GRID2: variants seen among roughly 807,000 people sequenced by gnomAD.
GRID2 encodes glutamate ionotropic receptor delta type subunit 2.
In GRID2, 33 loss-of-function variants were observed where a neutral mutation model predicts 114.8. That is an observed-to-expected ratio of 0.29 (90% CI 0.22 to 0.38). GRID2 has a LOEUF of 0.38. Among genes scored for constraint, GRID2 ranks in the 10% least tolerant of loss-of-function variants. The pLI is 1.00. For missense variants in GRID2, 1,184 were observed against 1,257.7 expected (o/e 0.94, Z 0.89); for synonymous variants, 505 against 449.9 (o/e 1.12, Z -1.55).
Position 92,943,826 on chromosome 4 carries a change from G to T in GRID2, c.245-141169G>T, listed in dbSNP as rs533250075. ...AGGACCCTCAGCTGCAGGTCTGTTG[G>T]AGTTTGCTGGAGGTCCACTCCAGGC... On this transcript the variant is annotated intron_variant, in intron 2 of 15. Transcript: ENST00000282020. 2.6e-5 allele frequency among the ~76,000 whole-genome samples: 4 copies of T among 152,312 alleles called. No individual in the cohort carries two copies. The East Asian group carries it at 7.7e-4, about 29-fold the overall frequency.
chr4:93,262,303 C>G (rs1189204246), intron 8 of GRID2, among the ~76,000 whole-genome samples: 2 of 151,896 alleles, frequency 1.3e-5, no homozygotes, highest in Non-Finnish European at 2.9e-5. Flanking sequence ...TAGGACTTCA[C>G]TCTCTTCAAC....
At chr4:93,325,107 T>C (rs1368824755) in intron 8 of GRID2, among the ~76,000 whole-genome samples, 1 of 152,222 alleles carries the variant, frequency 6.6e-6, no homozygotes, top group Non-Finnish European at 1.5e-5. Flanking sequence ...CTTGCTTCTC[T>C]AGTTCTTTTA....
At chr4:93,209,346 G>A (rs1038561605) in intron 5 of GRID2, among the ~76,000 whole-genome samples, 12 of 152,178 alleles carry the variant, frequency 7.9e-5, no homozygotes, top group African/African-American at 2.9e-4. Context: ...GAGAACATGA[G>A]GTATTTGGTT....
At chr4:92,965,762 A>G (rs1243737545) in intron 2 of GRID2, among the ~76,000 whole-genome samples, 1 of 151,880 alleles carries the variant, frequency 6.6e-6, no homozygotes, top group Non-Finnish European at 1.5e-5. Flanking sequence ...TTTCTTCAAA[A>G]ATATAGCCAG....
At chr4:93,021,046 GAGAA>G (rs756835000) in intron 2 of GRID2, among the ~76,000 whole-genome samples, 67 of 150,030 alleles carry the variant, frequency 4.5e-4, no homozygotes, top group Non-Finnish European at 8.5e-4. Flanking sequence ...AAAAAAAAAA[GAGAA>G]AGAAAAATAT....
intron 14 of GRID2, among the ~76,000 whole-genome samples, chr4:93,695,421 T>C (rs895076756): frequency 2.0e-5 from 3 of 152,202 alleles, no homozygotes; most frequent in African/African-American, 7.2e-5. Flanking sequence ...AGAATGCCTA[T>C]GTCTATTTGT....
intron 14 of GRID2, among the ~76,000 whole-genome samples, chr4:93,722,316 A>G (rs1334540675): frequency 2.0e-5 from 3 of 152,168 alleles, no homozygotes; most frequent in Non-Finnish European, 4.4e-5. Context: ...GCTAGTTATT[A>G]CTCATGAATT....
chr4:93,160,677 T>C (rs763830959), intron 4 of GRID2, among the ~76,000 whole-genome samples: 1 of 151,770 alleles, frequency 6.6e-6, no homozygotes, highest in Non-Finnish European at 1.5e-5. Flanking sequence ...TAGCCCTCTT[T>C]AATGGGATAA....
At chr4:93,463,073 T>C (rs1013238384) in intron 11 of GRID2, among the ~76,000 whole-genome samples, 7 of 152,190 alleles carry the variant, frequency 4.6e-5, no homozygotes. Context: ...TTGGCAGTCC[T>C]TAACAAAGGG....
At chr4:92,482,009 T>TAG in intron 1 of GRID2, among the ~76,000 whole-genome samples, 1 of 64,000 alleles carries the variant, frequency 1.6e-5, no homozygotes, top group Non-Finnish European at 3.7e-5. Context: ...TATATATATA[T>TAG]ATATATATAT....
At chr4:92,310,670 A>C (rs539388002) in intron 1 of GRID2, among the ~76,000 whole-genome samples, 1 of 152,182 alleles carries the variant, frequency 6.6e-6, no homozygotes, top group South Asian at 2.1e-4. Flanking sequence ...ATAAATAGCT[A>C]ATTGAATACA....
Position 92,452,812 on chromosome 4 carries a change from A to G in GRID2, c.89-137319A>G, listed in dbSNP as rs115914525. Among the ~76,000 whole-genome samples the G allele has an allele frequency of 2.5e-3, 367 of 144,566 alleles. 3 individuals carry two copies. Among genetic ancestry groups the G allele is most frequent in the African/African-American group, 9.1e-3 (342 of 37,654 alleles). The allele number at this position is 144,566 out of a possible 152,430, so 94.8% of individuals were successfully genotyped here. A position where few individuals can be genotyped will look rare whatever the true frequency, so the allele number is the denominator to read the frequency against. On this transcript the variant is annotated intron_variant, in intron 1 of 15. Coordinates refer to ENST00000282020, the MANE Select transcript of GRID2 (RefSeq NM_001510.4). ...AATATATATGATACATGTATATATAATATATGTTTACCATATATATATATT... is the reference window on the plus strand; with the variant it reads ...AATATATATGATACATGTATATATAGTATATGTTTACCATATATATATATT...
At chr4:92,704,723 T>TTCTCTCTCTCTCTCTCTCTC (rs373207037) in intron 2 of GRID2, among the ~76,000 whole-genome samples, 122 of 90,002 alleles carry the variant, frequency 1.4e-3, no homozygotes, top group East Asian at 5.2e-3. Context: ...CTCTCTCTCT[T>TTCTCTCTCTCTCTCTCTCTC]TCTCTCTCTC....
intron 1 of GRID2, among the ~76,000 whole-genome samples, chr4:92,417,548 A>G (rs888781185): frequency 2.6e-5 from 4 of 152,154 alleles, no homozygotes; most frequent in Non-Finnish European, 5.9e-5. Context: ...GTAAAGGCAC[A>G]ATATCATCGC....
intron 1 of GRID2, among the ~76,000 whole-genome samples, chr4:92,383,839 T>C (rs926910686): frequency 2.0e-5 from 3 of 151,880 alleles, no homozygotes; most frequent in African/African-American, 4.8e-5. Context: ...ATTAGCTTCA[T>C]GATATTTAAT....
chr4:92,866,291 TTC>T (rs1744857671), intron 2 of GRID2, among the ~76,000 whole-genome samples: 1 of 152,200 alleles, frequency 6.6e-6, no homozygotes, highest in Admixed American at 6.5e-5. Flanking sequence ...AGTTGCTTCC[TTC>T]TCTGTCATCC....
Position 92,550,589 on chromosome 4 carries a change from G to A in GRID2, c.89-39542G>A, listed in dbSNP as rs537784099. ...CTCTAAAAATATTCAGACTGGTTTG[G>A]CAGGCTCTCTGTCTGAGGCTTGAAG... On this transcript the variant is annotated intron_variant, in intron 1 of 15. Transcript: ENST00000282020. Among the ~76,000 whole-genome samples, 12 of 152,152 alleles carry A rather than the reference G, an allele frequency of 7.9e-5. No homozygotes were observed. In the East Asian group the frequency reaches 1.2e-3, roughly 15 times the overall value.
At chr4:92,547,670 C>CTT (rs35940787) in intron 1 of GRID2, among the ~76,000 whole-genome samples, 25 of 149,088 alleles carry the variant, frequency 1.7e-4, no homozygotes, top group Middle Eastern at 3.5e-3. Flanking sequence ...TGAAAAGGAA[C>CTT]TTTTTTTTTT....
intron 14 of GRID2, among the ~76,000 whole-genome samples, chr4:93,716,197 G>A (rs1490845302): frequency 1.3e-5 from 2 of 152,186 alleles, no homozygotes; most frequent in South Asian, 2.1e-4. Context: ...AAACCTGTAG[G>A]CAGCACAGTC....
Sources: gnomAD v4.1 joint callset for allele counts (sites outside exome capture counted in the v4.1 genomes callset) on GRCh38, gnomAD v4.1.1 for gene constraint, MANE v1.5 for transcripts, NCBI Gene and HGNC (gene_info 2026-07-23, HGNC 2026-07-21) for gene names.